The following DPP10 variants were observed in gnomAD, a reference collection of about 807,000 sequenced individuals.
The protein encoded by DPP10 is dipeptidyl peptidase like 10.
DPP10 carries 33 observed loss-of-function variants against 120.9 expected under a neutral mutation model. The ratio of observed to expected loss-of-function variants is 0.27; its 90% CI spans 0.21 to 0.37. The LOEUF (loss-of-function observed/expected upper bound fraction) is 0.37, where lower values mean the gene tolerates loss of function less well. Ranked by LOEUF, DPP10 falls within the 10% of genes least tolerant of loss-of-function variation. The pLI, the probability that DPP10 is intolerant of heterozygous loss-of-function variation, is 1.00. For missense variants in DPP10, 816 were observed against 942.8 expected, an observed-to-expected ratio of 0.87 and a Z score of 1.76; for synonymous variants, 337 against 326.1, an observed-to-expected ratio of 1.03 and a Z score of -0.36.
intron 3 of DPP10, among the ~76,000 whole-genome samples, chr2:115,347,644 C>G (rs757718450): frequency 6.6e-6 from 1 of 152,022 alleles, no homozygotes; most frequent in African/African-American, 2.4e-5. Flanking sequence ...TCCCCTACCC[C>G]CTGACAGGCC....
chr2:114,607,827 C>A (rs1433386301), intron 1 of DPP10, among the ~76,000 whole-genome samples: 2 of 152,232 alleles, frequency 1.3e-5, no homozygotes, highest in Non-Finnish European at 2.9e-5. Flanking sequence ...GTGGTTTGGA[C>A]ACGAAGTCAG....
At chr2:115,237,467 A>G (rs1050926532) in intron 1 of DPP10, among the ~76,000 whole-genome samples, 1 of 152,120 alleles carries the variant, frequency 6.6e-6, no homozygotes, top group Admixed American at 6.6e-5. Flanking sequence ...AATTATGGCA[A>G]TTAATAATCC....
chr2:115,665,732 ACTT>A (rs1181873877), intron 5 of DPP10, among the ~76,000 whole-genome samples: 3 of 151,744 alleles, frequency 2.0e-5, no homozygotes, highest in African/African-American at 7.3e-5. Context: ...TTTTCCTAAT[ACTT>A]CTTCTCTTTG....
chr2:115,434,522 C>CT (rs2071299374), intron 3 of DPP10, among the ~76,000 whole-genome samples: 1 of 151,746 alleles, frequency 6.6e-6, no homozygotes, highest in Non-Finnish European at 1.5e-5. Context: ...ACAAACTCTT[C>CT]TTTTTTAAAA....
chr2:114,618,639 G>A (rs1693853468), intron 1 of DPP10, among the ~76,000 whole-genome samples: 1 of 151,932 alleles, frequency 6.6e-6, no homozygotes, highest in African/African-American at 2.4e-5. Context: ...TAATAGTTCA[G>A]GTGGGGATTA....
At chr2:115,639,563 G>A (rs919459595) in intron 5 of DPP10, among the ~76,000 whole-genome samples, 14 of 152,070 alleles carry the variant, frequency 9.2e-5, no homozygotes, top group African/African-American at 3.1e-4. Context: ...GAACCAAAGC[G>A]AAGCAAGATT....
chr2:114,939,788 T>G (rs1374972632), intron 1 of DPP10, among the ~76,000 whole-genome samples: 1 of 152,180 alleles, frequency 6.6e-6, no homozygotes, highest in Non-Finnish European at 1.5e-5. Flanking sequence ...CCTGTCTGCT[T>G]AGAGGGTGGC....
chr2:115,617,224 A>G (rs1217633573), intron 5 of DPP10, among the ~76,000 whole-genome samples: 1 of 147,628 alleles, frequency 6.8e-6, no homozygotes, highest in Non-Finnish European at 1.5e-5. Context: ...GCTTAAAACC[A>G]TGGATAGTAC....
At chr2:114,515,940 A>C (rs111359951) in intron 1 of DPP10, among the ~76,000 whole-genome samples, 6 of 152,102 alleles carry the variant, frequency 3.9e-5, no homozygotes, top group Non-Finnish European at 7.3e-5. Flanking sequence ...ACTTAGCTCC[A>C]TGGTGAAGTC....
At chr2:114,468,023 T>C (rs995114055) in intron 1 of DPP10, among the ~76,000 whole-genome samples, 4 of 152,028 alleles carry the variant, frequency 2.6e-5, no homozygotes, top group African/African-American at 7.2e-5. Flanking sequence ...ACCATCTTAG[T>C]AATAATAATA....
chr2:114,975,070 G>A (rs537981345), intron 1 of DPP10, among the ~76,000 whole-genome samples: 12 of 149,654 alleles, frequency 8.0e-5, no homozygotes, highest in South Asian at 2.1e-4. Flanking sequence ...ATGGAGGTTC[G>A]CTCTTGTTGC....
intron 1 of DPP10, among the ~76,000 whole-genome samples, chr2:115,138,147 G>A (rs2050743944): frequency 6.6e-6 from 1 of 152,112 alleles, no homozygotes; most frequent in Admixed American, 6.5e-5. Context: ...CTCTACATGG[G>A]GGTCTGGGTG....
At chr2:115,752,246 G>T (rs1243774918) in intron 10 of DPP10, among the ~76,000 whole-genome samples, 1 of 152,172 alleles carries the variant, frequency 6.6e-6, no homozygotes, top group Non-Finnish European at 1.5e-5. Flanking sequence ...TAACTGATCT[G>T]TTCTGAAACT....
chr2:114,501,518 T>G (rs1458291835), intron 1 of DPP10, among the ~76,000 whole-genome samples: 5 of 152,214 alleles, frequency 3.3e-5, no homozygotes, highest in Admixed American at 1.3e-4. Flanking sequence ...AAATCTGCCA[T>G]GTTCTAAATG....
At chr2:114,850,976 C>T (rs1048069180) in intron 1 of DPP10, among the ~76,000 whole-genome samples, 4 of 152,142 alleles carry the variant, frequency 2.6e-5, no homozygotes, top group African/African-American at 9.6e-5. Flanking sequence ...AAGGAATTTA[C>T]ACCATTTATA....
chr2:114,629,997 C>A (rs1694801969), intron 1 of DPP10, among the ~76,000 whole-genome samples: 1 of 151,752 alleles, frequency 6.6e-6, no homozygotes, highest in African/African-American at 2.4e-5. Flanking sequence ...GTAAAAACAC[C>A]ATACTATAAG....
intron 21 of DPP10, among the ~76,000 whole-genome samples, chr2:115,818,104 G>A (rs1687450470): frequency 6.6e-6 from 1 of 152,190 alleles, no homozygotes; most frequent in Non-Finnish European, 1.5e-5. Context: ...AGCAGTAAAG[G>A]AAGAATGTGA....
intron 1 of DPP10, among the ~76,000 whole-genome samples, chr2:115,201,029 A>G (rs1364393976): frequency 6.6e-6 from 1 of 152,218 alleles, no homozygotes; most frequent in East Asian, 1.9e-4. Flanking sequence ...ATCCAGTCCT[A>G]CTTTGGATCA....
At chr2:115,651,611 G>T (rs2087779503) in intron 5 of DPP10, among the ~76,000 whole-genome samples, 1 of 152,012 alleles carries the variant, frequency 6.6e-6, no homozygotes, top group Non-Finnish European at 1.5e-5. Context: ...CGCAGGAGGA[G>T]GATGATCCAT....
Sources: allele counts gnomAD v4.1 joint callset (sites outside exome capture counted in the v4.1 genomes callset), GRCh38; gene constraint gnomAD v4.1.1; transcripts MANE v1.5; gene names NCBI Gene and HGNC (gene_info 2026-07-23, HGNC 2026-07-21).